Variants in CCL24 observed in about 807,000 individuals in gnomAD.
The protein encoded by CCL24 is C-C motif chemokine 24.
A neutral mutation model predicts 8.6 loss-of-function variants in CCL24; 6 were observed. That is an observed-to-expected ratio of 0.70 (90% CI 0.38 to 1.38). CCL24 has a LOEUF of 1.38. Ranked by LOEUF, CCL24 falls within the 40% of genes most tolerant of loss-of-function variation. The pLI, the probability that CCL24 is intolerant of heterozygous loss-of-function variation, is 0.02. For synonymous variants in CCL24, 59 were observed against 52.7 expected (o/e 1.12, Z -0.52); for missense variants, 126 against 147.1 (o/e 0.86, Z 0.74).
At chr7:75,816,571 A>ATTTATTTATTTATTTATTTAT (rs139417962), upstream of CCL24, among the ~76,000 whole-genome samples, 90 of 151,652 alleles carry the variant, frequency 5.9e-4, no homozygotes, top group African/African-American at 2.1e-3. Flanking sequence ...TTATTTATTT[A>ATTTATTTATTTATTTATTTAT]TTATTTTTGA....
At chr7:75,821,938 A>AC (rs1364894644) in intron 1 of CCL24, among the ~76,000 whole-genome samples, 1 of 150,166 alleles carries the variant, frequency 6.7e-6, no homozygotes. Flanking sequence ...AAAAAAAAAA[A>AC]AAAAGAAAAC....
chr7:75,813,835 T>A, upstream of CCL24: 2 of 704,684 alleles, frequency 2.8e-6, no homozygotes, highest in Middle Eastern at 2.7e-4. Context: ...CTGCCCTTTA[T>A]GGGGCAACTA....
In CCL24 at chr7:75,813,293, GA is replaced by G; in HGVS notation, c.191+12del. 3 of 1,532,360 alleles carry G rather than the reference GA, an allele frequency of 2.0e-6. No individual in the cohort carries two copies. Among genetic ancestry groups the G allele is most frequent in the Middle Eastern group, 1.7e-4 (1 of 5,732 alleles). 94.9% of individuals were successfully genotyped at this position (1,532,360 alleles called of 1,614,324 possible). A position where few individuals can be genotyped will look rare whatever the true frequency, so the allele number is the denominator to read the frequency against. ...CACCCCTCTCCTGCCACGTGCCCAT[GA>G]AGGATACCTACATCACTCCTGCCTT... On this transcript the variant is annotated intron_variant, in intron 2 of 2. Transcript: ENST00000222902.
intron 1 of CCL24, among the ~76,000 whole-genome samples, chr7:75,820,125 CTT>C (rs1554534876): frequency 7.6e-6 from 1 of 131,780 alleles, no homozygotes; most frequent in Non-Finnish European, 1.7e-5. Flanking sequence ...TCTTCTTCTT[CTT>C]CTTCTCCTCC....
At chr7:75,816,824 C>T (rs59990574), upstream of CCL24, among the ~76,000 whole-genome samples, 1 of 143,848 alleles carries the variant, frequency 7.0e-6, no homozygotes, top group African/African-American at 2.6e-5. Context: ...GGCCCCCCAA[C>T]GTGCTGGGAT....
At chr7:75,821,894 C>T (rs1411831750) in intron 1 of CCL24, among the ~76,000 whole-genome samples, 1 of 148,766 alleles carries the variant, frequency 6.7e-6, no homozygotes, top group Non-Finnish European at 1.5e-5. Context: ...CGCCACTGCA[C>T]TCCAGCCTGG....
intron 1 of CCL24, 64 bp downstream of exon 1, chr7:75,813,579 C>A: frequency 6.8e-7 from 1 of 1,468,778 alleles, no homozygotes; most frequent in Admixed American, 1.7e-5. Flanking sequence ...GCTGGTCAGT[C>A]CTGCACCCCC....
At position 75,813,499 on chromosome 7, in the gene CCL24, AACCCT is replaced by A; in HGVS notation, c.74-81_74-77del. 6 of 1,292,398 alleles carry A rather than the reference AACCCT, an allele frequency of 4.6e-6. No homozygotes were observed. The South Asian group carries it at 6.0e-5, about 13-fold the overall frequency. 80.1% of individuals were successfully genotyped at this position (1,292,398 alleles called of 1,614,324 possible). Reference sequence around the variant, plus strand: ...CTCTGGGCCTCAGAGCTGGAGCTTGAACCCTGCACCAAACACCGCCAGTCCATTCA... The same window carrying A: ...CTCTGGGCCTCAGAGCTGGAGCTTGAGCACCAAACACCGCCAGTCCATTCA... On this transcript the variant is annotated intron_variant, in intron 1 of 2. Coordinates refer to ENST00000222902, the MANE Select transcript of CCL24 (RefSeq NM_002991.3).
upstream of CCL24, among the ~76,000 whole-genome samples, chr7:75,815,340 T>TAA (rs781838332): frequency 3.9e-5 from 5 of 128,350 alleles, no homozygotes; most frequent in Non-Finnish European, 6.7e-5. Context: ...TCCTGTCTCT[T>TAA]AAAAAAAAAA....
At chr7:75,812,926 AG>A (rs202240038) in intron 2 of CCL24, among the ~76,000 whole-genome samples, 16 of 149,366 alleles carry the variant, frequency 1.1e-4, no homozygotes, top group African/African-American at 3.0e-4. Context: ...ACTCTGTCTC[AG>A]GGGAAAAAAA....
Position 75,811,865 on chromosome 7 carries a change from G to C in CCL24, c.291C>G (p.Ser97=), listed in dbSNP as rs903877934. The change falls in exon 3 of 3, where the codon TCC becomes TCG. Residue 97 remains serine (S), a synonymous_variant. Transcript: ENST00000222902. ...TGACAGCCACTGCCCTGGCCCTAGG[G>C]GAAGCCTTCTTCTGCTTGGCGTCCA... ...KNLDAKQKKA[S]PRARAVAVKG... is the part of the protein sequence containing the mutation. 2 of 1,612,638 alleles carry C rather than the reference G, an allele frequency of 1.2e-6. No homozygotes were observed. The highest frequency in any genetic ancestry group is 1.7e-6 in the Non-Finnish European group (2 of 1,179,790).
intron 1 of CCL24, among the ~76,000 whole-genome samples, chr7:75,822,094 T>C: frequency 6.6e-6 from 1 of 150,958 alleles, no homozygotes; most frequent in African/African-American, 2.4e-5. Flanking sequence ...AGAGCCAGAC[T>C]CCATCTCAAA....
upstream of CCL24, among the ~76,000 whole-genome samples, chr7:75,817,819 T>A (rs912456387): frequency 4.2e-5 from 6 of 142,382 alleles, no homozygotes; most frequent in African/African-American, 1.6e-4. Context: ...CCCAATGTTT[T>A]GTTGCTGTTG....
At chr7:75,816,136 C>T (rs992423153), upstream of CCL24, among the ~76,000 whole-genome samples, 1 of 152,150 alleles carries the variant, frequency 6.6e-6, no homozygotes, top group Non-Finnish European at 1.5e-5. Flanking sequence ...TTTATATACC[C>T]GCCAAGTGCC....
Position 75,813,410 on chromosome 7 carries a change from G to A in CCL24, c.87C>T (p.Ile29=). The A allele has an allele frequency of 6.2e-7, 1 of 1,609,628 alleles. No individual in the cohort carries two copies. Among genetic ancestry groups the A allele is most frequent in the Non-Finnish European group, 8.5e-7 (1 of 1,176,306 alleles). Residue 29 remains isoleucine (I), a synonymous_variant, in exon 2 of 3, where the codon ATC becomes ATT. Coordinates refer to ENST00000222902, the MANE Select transcript of CCL24 (RefSeq NM_002991.3). ...HHIIPTGSVV[I]PSPCCMFFVS... ...CAAAGAACATGCAGCAGGGAGAGGG[G>A]ATGACCACAGAGCCTAGAAGAGGAG...
rs1554534893 is a variant in CCL24, at chr7:75,820,152, CT to C, written c.-60+3169del. Among the ~76,000 whole-genome samples, 302 of 37,126 alleles carry C rather than the reference CT, an allele frequency of 8.1e-3. 11 individuals carry two copies. The highest frequency in any genetic ancestry group is 0.039 in the Middle Eastern group (3 of 76). The allele number at this position is 37,126 out of a possible 152,430, so 24.4% of individuals were successfully genotyped here. A position where few individuals can be genotyped will look rare whatever the true frequency, so the allele number is the denominator to read the frequency against. On this transcript the variant is annotated intron_variant, in intron 1 of 3. Coordinates refer to the CCL24 transcript ENST00000416943. Reference sequence around the variant, plus strand: ...TCTTCTCCTCCTCCTCCTCCTCCTCCTTCTCCTTCTCCTTCTCCTTCTCCTT... The same window carrying C: ...TCTTCTCCTCCTCCTCCTCCTCCTCCTCTCCTTCTCCTTCTCCTTCTCCTT...
Position 75,813,775 on chromosome 7 carries a change from C to A in CCL24, c.-60G>T. 1 of 1,408,990 alleles carries A rather than the reference C, an allele frequency of 7.1e-7. No homozygotes were observed. The highest frequency in any genetic ancestry group is 1.0e-6 in the Non-Finnish European group (1 of 994,298). 87.3% of individuals were successfully genotyped at this position (1,408,990 alleles called of 1,614,324 possible). The stretch of plus-strand genomic sequence containing the variant: ...AAGCTGACGTGCAGGAGGAAAGGAC[C>A]TAGGGATAAATAGCTCGGGTCCTTG... On this transcript the variant is annotated 5_prime_UTR_variant, in exon 1 of 3. The change creates a new upstream start codon in the 5' untranslated region. Transcript: ENST00000222902.
intron 1 of CCL24, among the ~76,000 whole-genome samples, chr7:75,820,345 A>AT (rs1336350050): frequency 6.6e-6 from 1 of 151,696 alleles, no homozygotes; most frequent in Non-Finnish European, 1.5e-5. Flanking sequence ...CACCCAGCTA[A>AT]TTTTTTTGTA....
In CCL24 at chr7:75,813,341, C is replaced by T. The variant is rs950870977; in HGVS notation, c.156G>A (p.Leu52=). 3.7e-6 allele frequency: 6 copies of T among 1,613,132 alleles called. No homozygotes were observed. The highest frequency in any genetic ancestry group is 5.1e-6 in the Non-Finnish European group (6 of 1,179,314). Residue 52 remains leucine, a synonymous_variant, in exon 2 of 3, where the codon CTG becomes CTA. Transcript: ENST00000222902. ...IPENRVVSYQ[L]SSRSTCLKAG... ...CCTTGAGGCATGTGCTCCTGCTGGA[C>T]AGCTGGTAGCTGACCACTCGGTTCT...
Sources: allele counts gnomAD v4.1 joint callset (sites outside exome capture counted in the v4.1 genomes callset), GRCh38; gene constraint gnomAD v4.1.1; transcripts MANE v1.5; gene names NCBI Gene and HGNC (gene_info 2026-07-23, HGNC 2026-07-21).